The following STK40 variants were observed in gnomAD, a reference collection of about 807,000 sequenced individuals.
STK40 encodes the protein serine/threonine kinase 40.
In STK40, 13 loss-of-function variants were observed where a neutral mutation model predicts 47.9. The ratio of observed to expected loss-of-function variants is 0.27; its 90% CI spans 0.18 to 0.43. STK40 has a LOEUF of 0.43. Among genes scored for constraint, STK40 ranks in the 20% least tolerant of loss-of-function variants. The pLI, the probability that STK40 is intolerant of heterozygous loss-of-function variation, is 1.00. For synonymous variants in STK40, 225 were observed against 243.2 expected (o/e 0.93, Z 0.69); for missense variants, 460 against 595.1 (o/e 0.77, Z 2.36).
At chr1:36,349,298 G>C (rs963690803) in intron 6 of STK40, among the ~76,000 whole-genome samples, 4 of 152,198 alleles carry the variant, frequency 2.6e-5, no homozygotes, top group African/African-American at 9.7e-5. Flanking sequence ...AGCCACCTCC[G>C]AACCACGGAA....
intron 4 of STK40, among the ~76,000 whole-genome samples, chr1:36,357,624 G>C (rs1646816147): frequency 1.3e-5 from 2 of 152,088 alleles, no homozygotes; most frequent in South Asian, 4.1e-4. Context: ...AAAGGACAAG[G>C]GGGCCCTTTT....
In STK40 at chr1:36,355,208, G is replaced by C; in HGVS notation, c.568C>G (p.Gln190Glu). ...DVVRVVEALHQKNIVHRDLKL... is the reference protein window; with the variant it reads ...DVVRVVEALHEKNIVHRDLKL... Reference sequence around the variant, plus strand: ...GCAGCAGCAGGGTGTGGCCTCACCTGGTGCAGGGCCTCCACCACGCGGACC... The same window carrying C: ...GCAGCAGCAGGGTGTGGCCTCACCTCGTGCAGGGCCTCCACCACGCGGACC... The change falls in exon 5 of 11, where the codon CAG becomes GAG. Residue 190 changes from glutamine (Q) to glutamate (E), a missense_variant and splice_region_variant. By Grantham distance (29) the Gln-to-Glu change is conservative (BLOSUM62 2). This residue lies in a region of STK40 where 277 missense variants were observed against 358.7 expected (regional missense o/e 0.77). Transcript: ENST00000373132. The C allele has an allele frequency of 6.2e-7, 1 of 1,613,614 alleles. No individual in the cohort carries two copies. Among genetic ancestry groups the C allele is most frequent in the Non-Finnish European group, 8.5e-7 (1 of 1,179,992 alleles).
rs915092620 is a variant in STK40, at chr1:36,366,698, G to C, written c.-8-5358C>G. ...AGCTACTCTGGTCTCAGGAAGACTG[G>C]GAGCCCAGGTCCCCCCAGACACCTG... On this transcript the variant is annotated intron_variant, in intron 1 of 10. Coordinates refer to ENST00000373132, the MANE Select transcript of STK40 (RefSeq NM_001282547.2). Among the ~76,000 whole-genome samples, 11 of 152,114 alleles carry C rather than the reference G, an allele frequency of 7.2e-5. 1 individual carries two copies. Among genetic ancestry groups the C allele is most frequent in the Non-Finnish European group, 1.5e-5 (1 of 68,022 alleles).
At position 36,341,890 on chromosome 1, in the gene STK40, G is replaced by A. The variant is rs755430415; in HGVS notation, c.1173C>T (p.Ser391=). 6 of 1,613,934 alleles carry A rather than the reference G, an allele frequency of 3.7e-6. No individual in the cohort carries two copies. The Admixed American group carries it at 6.7e-5, about 18-fold the overall frequency. The stretch of plus-strand genomic sequence containing the variant: ...GTACCCAGCTCCGGGCGTCATGGAT[G>A]GAGCTCTTCTCCTCGGCCAGCAGCA... ...QQLLLAEEKS[S]IHDARSWVPK... is the part of the protein sequence containing the mutation. The change falls in exon 11 of 11, where the codon TCC becomes TCT. Residue 391 remains serine, a synonymous_variant. Coordinates refer to ENST00000373132, the MANE Select transcript of STK40 (RefSeq NM_001282547.2).
intron 1 of STK40, among the ~76,000 whole-genome samples, chr1:36,364,822 A>T (rs1164946954): frequency 2.0e-5 from 3 of 152,216 alleles, no homozygotes; most frequent in South Asian, 4.1e-4. Flanking sequence ...TACATTTTTT[A>T]AATTAAAATT....
In STK40 at chr1:36,344,094, C is replaced by T. The variant is rs201732054; in HGVS notation, c.884+26G>A. On this transcript the variant is annotated intron_variant, in intron 8 of 10. Transcript: ENST00000373132. ...TAAGCCCATCAGGCTGGCTGCCCCC[C>T]CCACCCCCCGGGAGGCAGGACTCAC... 9.3e-5 allele frequency: 148 copies of T among 1,585,810 alleles called. No individual in the cohort carries two copies. In the East Asian group the frequency reaches 1.9e-3, roughly 20 times the overall value.
rs568527617 is a variant in STK40 at position 36,354,977 on chromosome 1, C to T, written c.570+229G>A. Among the ~76,000 whole-genome samples, 428 of 152,300 alleles carry T rather than the reference C, an allele frequency of 2.8e-3. 2 individuals are homozygous for T. The highest frequency in any genetic ancestry group is 9.7e-3 in the African/African-American group (405 of 41,578). On this transcript the variant is annotated intron_variant, in intron 5 of 10. Coordinates refer to ENST00000373132, the MANE Select transcript of STK40 (RefSeq NM_001282547.2). ...ACTGATGGGGAATTAACACAGTTGG[C>T]TGTGGTAATTACCACAGCTGGGCTG...
chr1:36,369,538 G>A (rs556605396), intron 1 of STK40, among the ~76,000 whole-genome samples: 1 of 152,220 alleles, frequency 6.6e-6, no homozygotes, highest in African/African-American at 2.4e-5. Context: ...AGTATGCCAT[G>A]AACACCCCTG....
intron 1 of STK40, among the ~76,000 whole-genome samples, chr1:36,377,532 C>CAAAA (rs746089027): frequency 0.045 from 1,595 of 35,430 alleles, 143 homozygotes; most frequent in African/African-American, 0.12. Context: ...GACTCCGTCT[C>CAAAA]AAAAAAAAAA....
intron 7 of STK40, among the ~76,000 whole-genome samples, chr1:36,347,730 GC>G (rs1204922821): frequency 6.7e-6 from 1 of 150,166 alleles, no homozygotes; most frequent in African/African-American, 2.5e-5. Flanking sequence ...TCGGCTCACT[GC>G]AACCTCCACC....
At chr1:36,361,874 A>G (rs907199860) in intron 1 of STK40, among the ~76,000 whole-genome samples, 6 of 152,092 alleles carry the variant, frequency 3.9e-5, no homozygotes, top group Non-Finnish European at 2.9e-5. Context: ...GGGGCTTCTT[A>G]TGCCCACGGA....
In STK40 at chr1:36,341,843, G is replaced by A. The variant is rs755305561; in HGVS notation, c.1220C>T (p.Ala407Val). Residue 407 changes from alanine (A) to valine (V), a missense_variant, in exon 11 of 11, where the codon GCA becomes GTA. Coordinates refer to ENST00000373132, the MANE Select transcript of STK40 (RefSeq NM_001282547.2). ...SWVPKRQFGS[A>V]PPVRRLGHDA... Reference sequence around the variant, plus strand: ...GTGGCCCAGCCGTCGCACCGGTGGTGCGCTGCCGAACTGCCGCTTGGGTAC... The same window carrying A: ...GTGGCCCAGCCGTCGCACCGGTGGTACGCTGCCGAACTGCCGCTTGGGTAC... 6.2e-7 allele frequency: 1 copy of A among 1,613,736 alleles called. No individual in the cohort carries two copies.
intron 1 of STK40, among the ~76,000 whole-genome samples, chr1:36,369,526 C>A (rs374136880): frequency 6.6e-6 from 1 of 152,144 alleles, no homozygotes; most frequent in Non-Finnish European, 1.5e-5. Flanking sequence ...GACACAATCC[C>A]GAGTATGCCA....
Position 36,348,824 on chromosome 1 carries a change from G to A in STK40, c.624-9C>T, listed in dbSNP as rs763020668. The A allele has an allele frequency of 6.3e-7, 1 of 1,591,730 alleles. No individual in the cohort carries two copies. The highest frequency in any genetic ancestry group is 8.6e-7 in the Non-Finnish European group (1 of 1,167,730). ...TGGTTATCCGATGTGTCCTAGGAGT[G>A]GGAGACAGAGTGAACAAACCTCAGT... On this transcript the variant is annotated splice_polypyrimidine_tract_variant and intron_variant, in intron 6 of 10. Transcript: ENST00000373132.
intron 9 of STK40, 93 bp from the exon 10 acceptor site, chr1:36,343,541 C>T: frequency 3.2e-6 from 4 of 1,249,088 alleles, no homozygotes; most frequent in South Asian, 1.4e-5. Context: ...GGGTTGTGTT[C>T]CTGCCATGAG....
intron 1 of STK40, among the ~76,000 whole-genome samples, chr1:36,384,257 T>C (rs1396313030): frequency 6.6e-6 from 1 of 152,166 alleles, no homozygotes; most frequent in African/African-American, 2.4e-5. Flanking sequence ...CTCGAACTCC[T>C]GACCTCAGGT....
Position 36,345,991 on chromosome 1 carries a change from A to ATATATTTTTTTTTTTTT in STK40, c.740-1728_740-1727insAAAAAAAAAAAAATATA. On this transcript the variant is annotated intron_variant, in intron 7 of 10. Coordinates refer to ENST00000373132, the MANE Select transcript of STK40 (RefSeq NM_001282547.2). ...TACATATATATATATATATATATAT[A>ATATATTTTTTTTTTTTT]TTTTTTTTTTTTTTTTTTCCTGAGA... 5.6e-3 allele frequency among the ~76,000 whole-genome samples: 149 copies of ATATATTTTTTTTTTTTT among 26,454 alleles called. 10 individuals carry two copies. Among genetic ancestry groups the ATATATTTTTTTTTTTTT allele is most frequent in the Non-Finnish European group, 7.6e-3 (109 of 14,422 alleles). 17.4% of individuals were successfully genotyped at this position (26,454 alleles called of 152,430 possible). A position where few individuals can be genotyped will look rare whatever the true frequency, so the allele number is the denominator to read the frequency against.
At chr1:36,364,597 C>T (rs1261089603) in intron 1 of STK40, among the ~76,000 whole-genome samples, 1 of 151,084 alleles carries the variant, frequency 6.6e-6, no homozygotes, top group Non-Finnish European at 1.5e-5. Context: ...TTTAGAAACT[C>T]TTTCTATGTA....
chr1:36,359,991 A>C (rs956175657), intron 2 of STK40, among the ~76,000 whole-genome samples: 8 of 152,162 alleles, frequency 5.3e-5, no homozygotes, highest in African/African-American at 1.9e-4. Context: ...GTTTCCTCAT[A>C]AACAGGCCTT....
Sources: allele counts gnomAD v4.1 joint callset (sites outside exome capture counted in the v4.1 genomes callset), GRCh38; gene constraint gnomAD v4.1.1; regional missense constraint gnomAD v4.1.1; transcripts MANE v1.5; gene names NCBI Gene and HGNC (gene_info 2026-07-23, HGNC 2026-07-21).